PHACTR2: variants seen among roughly 807,000 people sequenced by gnomAD.
PHACTR2 encodes the protein phosphatase and actin regulator 2.
In PHACTR2, 30 loss-of-function variants were observed where a neutral mutation model predicts 76.0. The ratio of observed to expected loss-of-function variants is 0.39; its 90% CI spans 0.30 to 0.54. The LOEUF (loss-of-function observed/expected upper bound fraction) is 0.54, where lower values mean the gene tolerates loss of function less well. Among genes scored for constraint, PHACTR2 ranks in the 20% least tolerant of loss-of-function variants. The pLI is 0.61. For synonymous variants in PHACTR2, 292 were observed against 292.5 expected, an observed-to-expected ratio of 1.00 and a Z score of 0.02; for missense variants, 696 against 781.1, an observed-to-expected ratio of 0.89 and a Z score of 1.30.
intron 1 of PHACTR2, among the ~76,000 whole-genome samples, chr6:143,666,906 CT>C (rs1187524706): frequency 6.6e-6 from 1 of 152,152 alleles, no homozygotes; most frequent in Non-Finnish European, 1.5e-5. Flanking sequence ...TCAATTTTGG[CT>C]TTTGTTGCCA....
At chr6:143,712,628 T>G (rs1029701457) in intron 2 of PHACTR2, among the ~76,000 whole-genome samples, 2 of 152,028 alleles carry the variant, frequency 1.3e-5, no homozygotes, top group Non-Finnish European at 2.9e-5. Context: ...TAACGTAATG[T>G]TAACGGTCTT....
chr6:143,540,309 A>C (rs1781160724), intron 1 of PHACTR2, among the ~76,000 whole-genome samples: 1 of 152,148 alleles, frequency 6.6e-6, no homozygotes. Flanking sequence ...GAGGAAGGGG[A>C]AGAAAGAGTG....
rs2128465451 is a variant in PHACTR2, at chr6:143,730,276, G to C, written c.214+18093G>C. Reference sequence around the variant, plus strand: ...TCTATGCTGCAGTTTGGGTAGAACTGATACCTATACCATATTGAACTTTCT... The same window carrying C: ...TCTATGCTGCAGTTTGGGTAGAACTCATACCTATACCATATTGAACTTTCT... On this transcript the variant is annotated intron_variant, in intron 2 of 12. Coordinates refer to ENST00000440869, the MANE Select transcript of PHACTR2 (RefSeq NM_001100164.2). This position sits in a 1 kb window ranked among gnomAD's most constrained non-coding sequence, Gnocchi z 4.8. Among the ~76,000 whole-genome samples, 1 of 152,222 alleles carries C rather than the reference G, an allele frequency of 6.6e-6. No homozygotes were observed. Among genetic ancestry groups the C allele is most frequent in the South Asian group, 2.1e-4 (1 of 4,824 alleles).
chr6:143,807,120 C>A lies in PHACTR2; in HGVS notation c.1909C>A (p.Arg637=). The change falls in exon 12 of 13, where the codon CGA becomes AGA. Residue 637 remains arginine (R), a synonymous_variant. Coordinates refer to ENST00000440869, the MANE Select transcript of PHACTR2 (RefSeq NM_001100164.2). The surrounding 1 kb of genome is among the most constrained non-coding windows in gnomAD (Gnocchi z 5.5). ...AGAAATGGAAGTTCATGAAGAGAGT[C>A]GACAGTTTACAAGGTAGGTGACAAA... ...STEMEVHEES[R]QFTRFHRP 2 of 1,600,422 alleles carry A rather than the reference C, an allele frequency of 1.2e-6. No homozygotes were observed. The highest frequency in any genetic ancestry group is 1.7e-6 in the Non-Finnish European group (2 of 1,168,972).
chr6:143,601,719 C>T (rs755859511), intron 1 of PHACTR2, among the ~76,000 whole-genome samples: 5 of 152,154 alleles, frequency 3.3e-5, no homozygotes, highest in Non-Finnish European at 7.4e-5. Context: ...TCCTGGGTCC[C>T]AGATGGTCCT....
In PHACTR2 at chr6:143,669,749, T is replaced by C. The variant is rs1386753967; in HGVS notation, c.14-42267T>C. Among the ~76,000 whole-genome samples the C allele has an allele frequency of 2.6e-5, 4 of 152,048 alleles. No individual in the cohort carries two copies. The East Asian group carries it at 7.7e-4, about 29-fold the overall frequency. On this transcript the variant is annotated intron_variant, in intron 1 of 11. Transcript: ENST00000305766. ...TGCTTGGTAAATATTCCTCCATCCC[T>C]TTATTTTGAGCCTATGTGTATCTTT...
intron 1 of PHACTR2, among the ~76,000 whole-genome samples, chr6:143,638,500 T>C (rs986958999): frequency 6.7e-6 from 1 of 149,552 alleles, no homozygotes; most frequent in Non-Finnish European, 1.5e-5. Flanking sequence ...ACTATGATCA[T>C]ACCACTGCAC....
Position 143,807,963 on chromosome 6 carries a change from T to G in PHACTR2, c.1922+830T>G, listed in dbSNP as rs1776099481. 6.6e-6 allele frequency among the ~76,000 whole-genome samples: 1 copy of G among 152,052 alleles called. No homozygotes were observed. The highest frequency in any genetic ancestry group is 1.5e-5 in the Non-Finnish European group (1 of 68,016). On this transcript the variant is annotated intron_variant, in intron 12 of 12. Coordinates refer to ENST00000440869, the MANE Select transcript of PHACTR2 (RefSeq NM_001100164.2). This position sits in a 1 kb window ranked among gnomAD's most constrained non-coding sequence, Gnocchi z 5.5. ...CTTTAACAGCAAACTTCCCTGAAATTGATGGGGGAGGAGTGAGGTTTGTTA... is the reference window on the plus strand; with the variant it reads ...CTTTAACAGCAAACTTCCCTGAAATGGATGGGGGAGGAGTGAGGTTTGTTA...
chr6:143,650,260 C>G (rs1454507810), intron 1 of PHACTR2, among the ~76,000 whole-genome samples: 1 of 152,198 alleles, frequency 6.6e-6, no homozygotes, highest in Non-Finnish European at 1.5e-5. Context: ...AGTGGCCATA[C>G]TGCTCAGAGG....
rs1049143407 is a variant in PHACTR2, at chr6:143,801,590, C to T, written c.1846-5467C>T. 6.6e-6 allele frequency among the ~76,000 whole-genome samples: 1 copy of T among 152,158 alleles called. No individual in the cohort carries two copies. Among genetic ancestry groups the T allele is most frequent in the Non-Finnish European group, 1.5e-5 (1 of 68,020 alleles). On this transcript the variant is annotated intron_variant, in intron 11 of 12. Coordinates refer to ENST00000440869, the MANE Select transcript of PHACTR2 (RefSeq NM_001100164.2). This position sits in a 1 kb window ranked among gnomAD's most constrained non-coding sequence, Gnocchi z 4.6. ...TCTCTACACTGGTTATTCTAGTTAG[C>T]CATTCATCTAACCTTTTTTCAACGT...
In PHACTR2 at chr6:143,547,554, A is replaced by G. The variant is rs923403214; in HGVS notation, c.217+10347A>G. On this transcript the variant is annotated intron_variant, in intron 1 of 11. Coordinates refer to the PHACTR2 transcript ENST00000367584. The surrounding 1 kb of genome is among the most constrained non-coding windows in gnomAD (Gnocchi z 4.2). ...AGATCTAGAAAGTAAAGGAGCTTTGAAACAGCCACTGTGACATTTGTAGAA... is the reference window on the plus strand; with the variant it reads ...AGATCTAGAAAGTAAAGGAGCTTTGGAACAGCCACTGTGACATTTGTAGAA... Among the ~76,000 whole-genome samples the G allele has an allele frequency of 1.5e-4, 23 of 152,226 alleles. No individual in the cohort carries two copies. Among genetic ancestry groups the G allele is most frequent in the African/African-American group, 5.5e-4 (23 of 41,452 alleles).
chr6:143,705,631 T>C (rs970654165), intron 1 of PHACTR2, among the ~76,000 whole-genome samples: 2 of 152,184 alleles, frequency 1.3e-5, no homozygotes, highest in Non-Finnish European at 2.9e-5. Context: ...TGGTCAGGTA[T>C]TTTAGAAATG....
At chr6:143,569,895 G>A (rs985165292) in intron 1 of PHACTR2, among the ~76,000 whole-genome samples, 1 of 152,174 alleles carries the variant, frequency 6.6e-6, no homozygotes, top group Non-Finnish European at 1.5e-5. Flanking sequence ...GAAGTGCTGC[G>A]TGTGATAAGT....
Position 143,556,350 on chromosome 6 carries a change from GA to G in PHACTR2, c.217+19144del, listed in dbSNP as rs1421101735. Reference sequence around the variant, plus strand: ...GCCAGGCACAAGGCGTGGGCCAGGAGAGTGAATATCTGGTGGAGGGAGGTGA... The same window carrying G: ...GCCAGGCACAAGGCGTGGGCCAGGAGGTGAATATCTGGTGGAGGGAGGTGA... On this transcript the variant is annotated intron_variant, in intron 1 of 11. Transcript: ENST00000367584. The surrounding 1 kb of genome is among the most constrained non-coding windows in gnomAD (Gnocchi z 4.3). Among the ~76,000 whole-genome samples the G allele has an allele frequency of 6.6e-6, 1 of 152,250 alleles. No individual in the cohort carries two copies. The highest frequency in any genetic ancestry group is 2.4e-5 in the African/African-American group (1 of 41,462).
rs1227499664 is a variant in PHACTR2, at chr6:143,658,026, A to G, written c.13+49704A>G. Among the ~76,000 whole-genome samples, 2 of 152,058 alleles carry G rather than the reference A, an allele frequency of 1.3e-5. No homozygotes were observed. The highest frequency in any genetic ancestry group is 4.8e-5 in the African/African-American group (2 of 41,394). ...TCCATTAATGGACATACCACAATTT[A>G]TTTACCCACTCTTCTGTTGAGGGAC... On this transcript the variant is annotated intron_variant, in intron 1 of 11. Transcript: ENST00000305766. This position sits in a 1 kb window ranked among gnomAD's most constrained non-coding sequence, Gnocchi z 4.1.
Position 143,678,073 on chromosome 6 carries a change from T to G in PHACTR2, c.-91T>G. The G allele has an allele frequency of 6.5e-7, 1 of 1,542,330 alleles. No individual in the cohort carries two copies. Among genetic ancestry groups the G allele is most frequent in the Non-Finnish European group, 8.7e-7 (1 of 1,143,200 alleles). On this transcript the variant is annotated 5_prime_UTR_variant, in exon 1 of 13. It removes an upstream start codon present in the reference 5' UTR. Transcript: ENST00000440869. The surrounding 1 kb of genome is among the most constrained non-coding windows in gnomAD (Gnocchi z 6.2). ...GGGCCGCTCGGCACAGGCCGGGACA[T>G]GAACGCCTGGAAGTCTGGCTGGGAG...
At chr6:143,560,258 T>G (rs1410504620) in intron 1 of PHACTR2, among the ~76,000 whole-genome samples, 1 of 152,228 alleles carries the variant, frequency 6.6e-6, no homozygotes, top group Non-Finnish European at 1.5e-5. Flanking sequence ...TGAAGAAAAG[T>G]GTCTTGTAGA....
Position 143,700,519 on chromosome 6 carries a change from C to T in PHACTR2, c.47-11497C>T, listed in dbSNP as rs905992642. Among the ~76,000 whole-genome samples, 1 of 152,296 alleles carries T rather than the reference C, an allele frequency of 6.6e-6. No individual in the cohort carries two copies. The highest frequency in any genetic ancestry group is 6.5e-5 in the Admixed American group (1 of 15,306). On this transcript the variant is annotated intron_variant, in intron 1 of 12. Coordinates refer to ENST00000440869, the MANE Select transcript of PHACTR2 (RefSeq NM_001100164.2). This position sits in a 1 kb window ranked among gnomAD's most constrained non-coding sequence, Gnocchi z 4.1. Reference sequence around the variant, plus strand: ...GCAGTGAGCTGAGATCTCACCACTGCACTCCATCTGGGTGACAGAACGAGA... The same window carrying T: ...GCAGTGAGCTGAGATCTCACCACTGTACTCCATCTGGGTGACAGAACGAGA...
In PHACTR2 at chr6:143,829,677, C is replaced by T. The variant is rs1400255739; in HGVS notation, c.*5988C>T. The T allele has an allele frequency of 6.6e-6, 1 of 152,150 alleles. No individual in the cohort carries two copies. Among genetic ancestry groups the T allele is most frequent in the Non-Finnish European group, 1.5e-5 (1 of 68,040 alleles). The allele number at this position is 152,150 out of a possible 1,614,324, so 9.4% of individuals were successfully genotyped here. Reference sequence around the variant, plus strand: ...GCTTTTTATCACCAAAACTGAATGGCAAATATGTCTTGACATTACTTGGAT... The same window carrying T: ...GCTTTTTATCACCAAAACTGAATGGTAAATATGTCTTGACATTACTTGGAT... On this transcript the variant is annotated 3_prime_UTR_variant, in exon 13 of 13. Transcript: ENST00000440869.
Sources: gnomAD v4.1 joint callset for allele counts (sites outside exome capture counted in the v4.1 genomes callset) on GRCh38, gnomAD v4.1.1 for gene constraint, Gnocchi (gnomAD v3.1) non-coding constraint, MANE v1.5 for transcripts, NCBI Gene and HGNC (gene_info 2026-07-23, HGNC 2026-07-21) for gene names.